The following STK32B variants were observed in gnomAD, a reference collection of about 807,000 sequenced individuals.
STK32B encodes serine/threonine-protein kinase 32B.
Under a neutral mutation model 52.6 loss-of-function variants are expected in STK32B, and 43 were observed. The observed-to-expected ratio is 0.82, with a 90% CI of 0.64 to 1.05. The LOEUF is 1.05. Among genes scored for constraint, STK32B ranks in the 50% least tolerant of loss-of-function variants. The probability of loss-of-function intolerance (pLI) is 0.00; values close to 1 mark genes in which losing one functional copy is unlikely to be tolerated. For synonymous variants in STK32B, 238 were observed against 204.3 expected (o/e 1.17, Z -1.41); for missense variants, 621 against 534.6 (o/e 1.16, Z -1.59).
At position 5,111,416 on chromosome 4, in the gene STK32B, A is replaced by G. The variant is rs144679894; in HGVS notation, c.53-28489A>G. On this transcript the variant is annotated intron_variant, in intron 1 of 11. Coordinates refer to ENST00000282908, the MANE Select transcript of STK32B (RefSeq NM_018401.3). Reference sequence around the variant, plus strand: ...AGAAATTGTGGTGTGTGTGTGTGCAATGGAATAGTATACAGCCATAAAAAG... The same window carrying G: ...AGAAATTGTGGTGTGTGTGTGTGCAGTGGAATAGTATACAGCCATAAAAAG... Among the ~76,000 whole-genome samples, 225 of 152,264 alleles carry G rather than the reference A, an allele frequency of 1.5e-3. 5 individuals carry two copies. The Middle Eastern group carries it at 0.017, about 12-fold the overall frequency.
intron 4 of STK32B, among the ~76,000 whole-genome samples, chr4:5,352,300 C>T (rs560692157): frequency 2.6e-5 from 4 of 152,080 alleles, no homozygotes; most frequent in South Asian, 2.1e-4. Context: ...ATATGCAAAT[C>T]GGTAAATTTA....
intron 1 of STK32B, among the ~76,000 whole-genome samples, chr4:5,078,551 T>A (rs1018732524): frequency 6.6e-6 from 1 of 152,192 alleles, no homozygotes; most frequent in African/African-American, 2.4e-5. Flanking sequence ...ATGTTGGGGA[T>A]TCAACTACGT....
At chr4:5,156,698 G>A (rs899562276) in intron 2 of STK32B, among the ~76,000 whole-genome samples, 3 of 152,320 alleles carry the variant, frequency 2.0e-5, no homozygotes, top group East Asian at 1.9e-4. Context: ...CAGGGTCAAA[G>A]TGAAGTAAAC....
chr4:5,488,431 T>TTAAA (rs147057073), intron 11 of STK32B, among the ~76,000 whole-genome samples: 1,629 of 152,336 alleles, frequency 0.011, 27 homozygotes, highest in African/African-American at 0.037. Flanking sequence ...CATTTTTTAT[T>TTAAA]TAAATATAGG....
In STK32B at chr4:5,242,437, C is replaced by T. The variant is rs945852943; in HGVS notation, c.260+73987C>T. Among the ~76,000 whole-genome samples, 53 of 151,814 alleles carry T rather than the reference C, an allele frequency of 3.5e-4. 1 individual carries two copies. The East Asian group carries it at 7.6e-3, about 22-fold the overall frequency. On this transcript the variant is annotated intron_variant, in intron 3 of 11. Transcript: ENST00000282908. Reference sequence around the variant, plus strand: ...TTTGATGGGGTTGTTTGTTTTTTTCCTGTAAATGTGTTTGAGTTCATTGTA... The same window carrying T: ...TTTGATGGGGTTGTTTGTTTTTTTCTTGTAAATGTGTTTGAGTTCATTGTA...
chr4:5,043,746 C>T, the STK32B span, among the ~76,000 whole-genome samples: 2 of 152,226 alleles, frequency 1.3e-5, no homozygotes, highest in Admixed American at 6.5e-5. Flanking sequence ...TCGGTGCACA[C>T]GGCATTTCTC....
At chr4:5,356,399 G>T (rs74284719) in intron 4 of STK32B, among the ~76,000 whole-genome samples, 7,145 of 152,170 alleles carry the variant, frequency 0.047, 343 homozygotes, top group East Asian at 0.18. Context: ...TCCAAATAAG[G>T]TCACATTCAC....
chr4:5,138,392 T>C (rs1716205643), intron 1 of STK32B, among the ~76,000 whole-genome samples: 1 of 152,242 alleles, frequency 6.6e-6, no homozygotes, highest in South Asian at 2.1e-4. Context: ...CACTTCATTT[T>C]TTTTTTTGTA....
At chr4:5,416,721 G>T in intron 5 of STK32B, 124 bp from the exon 6 acceptor site, 1 of 678,276 alleles carries the variant, frequency 1.5e-6, no homozygotes. Context: ...TATCAGATAC[G>T]ATAGTATTAT....
chr4:5,067,471 T>C (rs2108763963), intron 1 of STK32B, among the ~76,000 whole-genome samples: 1 of 152,258 alleles, frequency 6.6e-6, no homozygotes, highest in South Asian at 2.1e-4. Context: ...CTGCTGGTTC[T>C]TGAGTATCAG....
chr4:5,069,761 C>G (rs1172800212), intron 1 of STK32B, among the ~76,000 whole-genome samples: 1 of 152,156 alleles, frequency 6.6e-6, no homozygotes, highest in African/African-American at 2.4e-5. Flanking sequence ...AATTTTATGA[C>G]TGAAGATTCT....
At chr4:5,332,548 A>C (rs567263193) in intron 4 of STK32B, among the ~76,000 whole-genome samples, 2 of 152,096 alleles carry the variant, frequency 1.3e-5, no homozygotes, top group Non-Finnish European at 2.9e-5. Context: ...CACAATGTGC[A>C]GGTTAGTTAC....
chr4:5,270,377 T>C (rs1727344178), intron 3 of STK32B, among the ~76,000 whole-genome samples: 1 of 152,160 alleles, frequency 6.6e-6, no homozygotes, highest in African/African-American at 2.4e-5. Context: ...AGTCTTTCCA[T>C]GTTCTTCTGC....
At position 5,500,515 on chromosome 4, in the gene STK32B, CCTG is replaced by C. The variant is rs1356878550; in HGVS notation, c.*1436_*1438del. 1 of 152,180 alleles carries C rather than the reference CCTG, an allele frequency of 6.6e-6. No homozygotes were observed. The highest frequency in any genetic ancestry group is 2.4e-5 in the African/African-American group (1 of 41,448). 9.4% of individuals were successfully genotyped at this position (152,180 alleles called of 1,614,324 possible). On this transcript the variant is annotated 3_prime_UTR_variant, in exon 12 of 12. Transcript: ENST00000282908. ...GGTCTTTGATATTTGTTTGTTACAT[CCTG>C]CTGAAGTTCGACTGTGTTTTTATTT...
At chr4:5,098,492 T>A (rs1394172137) in intron 1 of STK32B, among the ~76,000 whole-genome samples, 1 of 152,208 alleles carries the variant, frequency 6.6e-6, no homozygotes, top group African/African-American at 2.4e-5. Context: ...TATGCATGTG[T>A]GTGCTAAGCA....
In STK32B at chr4:5,331,486, T is replaced by C. The variant is rs949003459; in HGVS notation, c.434+93T>C. On this transcript the variant is annotated intron_variant, in intron 4 of 11. Coordinates refer to ENST00000282908, the MANE Select transcript of STK32B (RefSeq NM_018401.3). Reference sequence around the variant, plus strand: ...CAGTAGTGGGGAGAGAATTTTGTCCTTGACATGGTTTAAAAGTGGTAGTGC... The same window carrying C: ...CAGTAGTGGGGAGAGAATTTTGTCCCTGACATGGTTTAAAAGTGGTAGTGC... The C allele has an allele frequency of 4.4e-6, 6 of 1,378,660 alleles. No homozygotes were observed. The Admixed American group carries it at 9.9e-5, about 23-fold the overall frequency. 85.4% of individuals were successfully genotyped at this position (1,378,660 alleles called of 1,614,324 possible). A position where few individuals can be genotyped will look rare whatever the true frequency, so the allele number is the denominator to read the frequency against.
chr4:5,200,825 T>G (rs1356835370), intron 3 of STK32B, among the ~76,000 whole-genome samples: 5 of 151,988 alleles, frequency 3.3e-5, no homozygotes, highest in Non-Finnish European at 7.4e-5. Flanking sequence ...AGGTCATGGG[T>G]CCCCATTCCT....
intron 11 of STK32B, among the ~76,000 whole-genome samples, chr4:5,473,092 T>C (rs1301667923): frequency 2.6e-5 from 4 of 152,210 alleles, no homozygotes; most frequent in Admixed American, 6.5e-5. Flanking sequence ...AGAAATATCA[T>C]TGGTATTCTC....
rs189053160 is a variant in STK32B at position 5,481,942 on chromosome 4, G to A, written c.1106+13872G>A. On this transcript the variant is annotated intron_variant, in intron 11 of 11. Coordinates refer to ENST00000282908, the MANE Select transcript of STK32B (RefSeq NM_018401.3). ...GGGCTCTGTTCTGTTCCATTGGTCT[G>A]TATCTCTGTTTTGGTACCAGTACCA... 7.3e-3 allele frequency among the ~76,000 whole-genome samples: 1,108 copies of A among 152,188 alleles called. 6 individuals are homozygous for A. Among genetic ancestry groups the A allele is most frequent in the Non-Finnish European group, 0.013 (870 of 68,004 alleles).
Sources: gnomAD v4.1 joint callset for allele counts (sites outside exome capture counted in the v4.1 genomes callset) on GRCh38, gnomAD v4.1.1 for gene constraint, MANE v1.5 for transcripts, NCBI Gene and HGNC (gene_info 2026-07-23, HGNC 2026-07-21) for gene names.